The following ZCWPW1 variants were observed in gnomAD, a reference collection of about 807,000 sequenced individuals.
ZCWPW1 encodes zinc finger CW-type PWWP domain protein 1.
A neutral mutation model predicts 81.3 loss-of-function variants in ZCWPW1; 56 were observed. The ratio of observed to expected loss-of-function variants is 0.69; its 90% CI spans 0.56 to 0.86. The LOEUF is 0.86. ZCWPW1 is among the 40% of genes least tolerant of loss of function. The pLI is 0.00. For synonymous variants in ZCWPW1, 250 were observed against 273.7 expected, an observed-to-expected ratio of 0.91 and a Z score of 0.86; for missense variants, 650 against 769.8, an observed-to-expected ratio of 0.84 and a Z score of 1.84.
rs552882881 is a variant in ZCWPW1 at position 100,401,777 on chromosome 7, T to C, written c.1627+112A>G. Reference sequence around the variant, plus strand: ...AGACGCTCTTTCATTCTAATTTTCATTCATTCTGTAAAGTAATGAAAAGCT... The same window carrying C: ...AGACGCTCTTTCATTCTAATTTTCACTCATTCTGTAAAGTAATGAAAAGCT... On this transcript the variant is annotated intron_variant, in intron 17 of 17. Coordinates refer to ENST00000684423, the MANE Select transcript of ZCWPW1 (RefSeq NM_001386010.1). 3.6e-6 allele frequency: 5 copies of C among 1,378,590 alleles called. No individual in the cohort carries two copies. In the South Asian group the frequency reaches 5.7e-5, roughly 16 times the overall value. 85.4% of individuals were successfully genotyped at this position (1,378,590 alleles called of 1,614,324 possible).
At chr7:100,415,215 TGA>T (rs1318902193) in intron 8 of ZCWPW1, among the ~76,000 whole-genome samples, 1 of 149,530 alleles carries the variant, frequency 6.7e-6, no homozygotes, top group African/African-American at 2.5e-5. Flanking sequence ...TCCAAGTAAC[TGA>T]GACTACAGGC....
intron 5 of ZCWPW1, 41 bp from the exon 6 acceptor site, chr7:100,417,224 G>GA (rs1406576704): frequency 1.4e-6 from 2 of 1,466,652 alleles, no homozygotes; most frequent in East Asian, 4.8e-5. Context: ...GCAAAAAAAC[G>GA]AAAAAGCCAC....
rs371126128 is a variant in ZCWPW1, at chr7:100,401,236, T to C, written c.1728A>G (p.Ser576=). 2 of 1,614,226 alleles carry C rather than the reference T, an allele frequency of 1.2e-6. No individual in the cohort carries two copies. The highest frequency in any genetic ancestry group is 1.7e-6 in the Non-Finnish European group (2 of 1,180,032). The part of the protein sequence containing the change: ...VRTVPKNLGL[S]ACKGACPSSA... ...ATGAGGGGCAGGCCCCCTTACACGC[T>C]GATAGGCCCAGGTTCTTTGGCACTG... Residue 576 remains serine, a synonymous_variant, in exon 18 of 18, where the codon TCA becomes TCG. Coordinates refer to ENST00000684423, the MANE Select transcript of ZCWPW1 (RefSeq NM_001386010.1).
At chr7:100,409,618 T>A (rs898065603) in intron 8 of ZCWPW1, 74 bp from the exon 9 acceptor site, 2 of 1,089,080 alleles carry the variant, frequency 1.8e-6, no homozygotes, top group Non-Finnish European at 2.8e-6. Context: ...AAAATCAGGA[T>A]AACCCTCCCA....
In ZCWPW1 at chr7:100,416,296, T is replaced by C. The variant is rs564666220; in HGVS notation, c.631+9A>G. ...AGCCAGGCTTCAAAGTATATCTGACTGTACTTACGAGCTTCCTTCTTTCTT... is the reference window on the plus strand; with the variant it reads ...AGCCAGGCTTCAAAGTATATCTGACCGTACTTACGAGCTTCCTTCTTTCTT... On this transcript the variant is annotated intron_variant, in intron 7 of 17. Transcript: ENST00000684423. The C allele has an allele frequency of 6.2e-6, 10 of 1,613,626 alleles. No homozygotes were observed. The highest frequency in any genetic ancestry group is 7.6e-6 in the Non-Finnish European group (9 of 1,179,894).
At chr7:100,421,304 G>T (rs186570316) in intron 2 of ZCWPW1, among the ~76,000 whole-genome samples, 3 of 152,308 alleles carry the variant, frequency 2.0e-5, no homozygotes, top group Non-Finnish European at 4.4e-5. Flanking sequence ...TGATGGTAGG[G>T]TATGAACAAT....
intron 1 of ZCWPW1, among the ~76,000 whole-genome samples, chr7:100,426,015 T>C (rs758657173): frequency 1.3e-5 from 2 of 152,186 alleles, no homozygotes; most frequent in Non-Finnish European, 2.9e-5. Context: ...CCAATACTTT[T>C]TTAAATAAAC....
At chr7:100,418,393 A>G (rs1795745542) in intron 5 of ZCWPW1, among the ~76,000 whole-genome samples, 1 of 152,194 alleles carries the variant, frequency 6.6e-6, no homozygotes, top group East Asian at 1.9e-4. Context: ...GCTCACGTCT[A>G]CAATCCCAAC....
At position 100,401,957 on chromosome 7, in the gene ZCWPW1, G is replaced by C. The variant is rs770706249; in HGVS notation, c.1559C>G (p.Ser520Cys). ...KIMKRSLGRK[S>C]TAPPAPRMGR... is the part of the protein sequence containing the mutation. ...CATTCTGGGTGCAGGAGGAGCTGTG[G>C]ATTTCCTGCCTAGAGATCTCTTCAT... Residue 520 changes from serine (S) to cysteine (C), a missense_variant, in exon 17 of 18, where the codon TCC becomes TGC. Transcript: ENST00000684423. 1 of 1,614,192 alleles carries C rather than the reference G, an allele frequency of 6.2e-7. No individual in the cohort carries two copies. Among genetic ancestry groups the C allele is most frequent in the Non-Finnish European group, 8.5e-7 (1 of 1,180,042 alleles).
At chr7:100,422,020 G>A (rs1013863960) in intron 2 of ZCWPW1, among the ~76,000 whole-genome samples, 1 of 152,152 alleles carries the variant, frequency 6.6e-6, no homozygotes, top group Non-Finnish European at 1.5e-5. Context: ...GATTACTAAT[G>A]ACACTGTGAC....
intron 14 of ZCWPW1, 28 bp from the exon 15 acceptor site, chr7:100,403,813 A>T: frequency 6.3e-7 from 1 of 1,592,002 alleles, no homozygotes; most frequent in South Asian, 1.1e-5. Context: ...AGGAAAGGCT[A>T]AATCATTCAT....
chr7:100,427,226 TTCCCTCCCTCCTTCCTTCCTCCCC>T (rs1797759498), intron 1 of ZCWPW1, among the ~76,000 whole-genome samples: 1 of 54,026 alleles, frequency 1.9e-5, no homozygotes, highest in Non-Finnish European at 3.4e-5. Flanking sequence ...TTCCTCCCCC[TTCCCTCCCTCCTTCCTTCCTCCCC>T]CTTCCCTCCC....
intron 12 of ZCWPW1, among the ~76,000 whole-genome samples, chr7:100,406,265 G>A (rs1277242061): frequency 1.3e-5 from 2 of 152,184 alleles, no homozygotes; most frequent in Admixed American, 1.3e-4. Flanking sequence ...TGGGCAGGGT[G>A]GAGGTGGGGG....
In ZCWPW1 at chr7:100,426,251, T is replaced by C. The variant is rs565238603; in HGVS notation, c.-136-1115A>G. On this transcript the variant is annotated intron_variant, in intron 1 of 17. Transcript: ENST00000684423. ...GCTCACGCCTGTAATTCCAGCACTT[T>C]GGGAGGCCAAGGCAGGTGGATCACC... Among the ~76,000 whole-genome samples the C allele has an allele frequency of 2.0e-5, 3 of 152,304 alleles. No homozygotes were observed. The South Asian group carries it at 6.2e-4, about 32-fold the overall frequency.
At chr7:100,422,427 TGAA>T (rs1796524805) in intron 2 of ZCWPW1, among the ~76,000 whole-genome samples, 1 of 152,216 alleles carries the variant, frequency 6.6e-6, no homozygotes, top group African/African-American at 2.4e-5. Context: ...CACCAAAGGC[TGAA>T]GAAGAAATTA....
intron 8 of ZCWPW1, among the ~76,000 whole-genome samples, chr7:100,414,411 TTGTC>T (rs1185234701): frequency 3.9e-5 from 6 of 152,176 alleles, no homozygotes; most frequent in Non-Finnish European, 1.5e-5. Flanking sequence ...GTTTAGATTG[TTGTC>T]TATTTATTTA....
intron 17 of ZCWPW1, among the ~76,000 whole-genome samples, 172 bp from the exon 18 acceptor site, chr7:100,401,508 T>C (rs985266792): frequency 1.3e-5 from 2 of 152,248 alleles, no homozygotes; most frequent in Admixed American, 6.5e-5. Context: ...GTCTGCCCTA[T>C]GCTAGTCACC....
chr7:100,417,237 T>C (rs1795445595), intron 5 of ZCWPW1, 54 bp from the exon 6 acceptor site: 1 of 1,376,494 alleles, frequency 7.3e-7, no homozygotes, highest in African/African-American at 1.4e-5. Context: ...AAAGCCACTC[T>C]ATTACTCCCT....
chr7:100,409,716 T>G (rs980941866), intron 8 of ZCWPW1, among the ~76,000 whole-genome samples, 172 bp from the exon 9 acceptor site: 4 of 152,084 alleles, frequency 2.6e-5, no homozygotes, highest in Non-Finnish European at 5.9e-5. Context: ...CTCAAAGAGG[T>G]AACTGGCTTG....
Sources: gnomAD v4.1 joint callset for allele counts (sites outside exome capture counted in the v4.1 genomes callset) on GRCh38, gnomAD v4.1.1 for gene constraint, MANE v1.5 for transcripts, NCBI Gene and HGNC (gene_info 2026-07-23, HGNC 2026-07-21) for gene names.